The following ZNF618 variants were observed in gnomAD, a reference collection of about 807,000 sequenced individuals.
The protein encoded by ZNF618 is neural precursor cell expressed, developmentally down-regulated 10.
Under a neutral mutation model 103.0 loss-of-function variants are expected in ZNF618, and 34 were observed. That is an observed-to-expected ratio of 0.33 (90% confidence interval 0.25 to 0.44). The LOEUF (loss-of-function observed/expected upper bound fraction) is 0.44, where lower values mean the gene tolerates loss of function less well. Ranked by LOEUF, ZNF618 falls within the 20% of genes least tolerant of loss-of-function variation. The pLI is 1.00. For missense variants in ZNF618, 1,059 were observed against 1,295.4 expected (o/e 0.82, Z 2.80); for synonymous variants, 551 against 542.2 (o/e 1.02, Z -0.23).
rs1222752793 is a variant in ZNF618 at position 114,051,835 on chromosome 9, TTCACAAGAGGCGGTTCTG to T, written c.*1675_*1692del. On this transcript the variant is annotated 3_prime_UTR_variant, in exon 15 of 15. Coordinates refer to ENST00000374126, the MANE Select transcript of ZNF618 (RefSeq NM_001318042.2). ...ATGCCAAGGGTGACACCCCATTCCC[TTCACAAGAGGCGGTTCTG>T]TCACAAATCAGCACTCCACCCCCAC... The T allele has an allele frequency of 1.3e-5, 2 of 152,226 alleles. No individual in the cohort carries two copies. Among genetic ancestry groups the T allele is most frequent in the Non-Finnish European group, 2.9e-5 (2 of 68,094 alleles). The allele number at this position is 152,226 out of a possible 1,614,324, so 9.4% of individuals were successfully genotyped here.
At chr9:113,949,698 C>T (rs1450392521) in intron 1 of ZNF618, among the ~76,000 whole-genome samples, 1 of 152,260 alleles carries the variant, frequency 6.6e-6, no homozygotes, top group Non-Finnish European at 1.5e-5. Flanking sequence ...CTGTCAGCCG[C>T]CACCACACTG....
chr9:113,951,423 G>A (rs1379796820), intron 1 of ZNF618, among the ~76,000 whole-genome samples: 11 of 4,472 alleles, frequency 2.5e-3, no homozygotes, highest in Middle Eastern at 0.12. Flanking sequence ...ACACATATAT[G>A]TGTGTGTGTA....
At chr9:113,939,031 A>G (rs1286280830) in intron 1 of ZNF618, among the ~76,000 whole-genome samples, 1 of 151,680 alleles carries the variant, frequency 6.6e-6, no homozygotes, top group African/African-American at 2.4e-5. Context: ...TGTATCTGCC[A>G]TTAATGGCAT....
rs1846400633 is a variant in ZNF618, at chr9:114,055,258, A to G, written c.*5091A>G. On this transcript the variant is annotated 3_prime_UTR_variant, in exon 15 of 15. Transcript: ENST00000374126. ...AGGTGCCAGCCGGTCTCCGCCTAGG[A>G]CCTTCCCTCCCGCCCAGCCAGGGTG... is the stretch of plus-strand genomic sequence containing the variant. 6.6e-6 allele frequency: 1 copy of G among 151,820 alleles called. No individual in the cohort carries two copies. Among genetic ancestry groups the G allele is most frequent in the Non-Finnish European group, 1.5e-5 (1 of 67,926 alleles). 9.4% of individuals were successfully genotyped at this position (151,820 alleles called of 1,614,324 possible). A position where few individuals can be genotyped will look rare whatever the true frequency, so the allele number is the denominator to read the frequency against.
chr9:113,939,401 C>T (rs1834346199), intron 1 of ZNF618, among the ~76,000 whole-genome samples: 1 of 151,988 alleles, frequency 6.6e-6, no homozygotes, highest in Non-Finnish European at 1.5e-5. Flanking sequence ...TATTTGCTAA[C>T]ATTTATATAG....
intron 1 of ZNF618, among the ~76,000 whole-genome samples, chr9:113,939,985 C>T (rs1834404666): frequency 1.3e-5 from 2 of 151,542 alleles, no homozygotes; most frequent in Non-Finnish European, 2.9e-5. Context: ...TCATTTTCTG[C>T]TTTCTTTTGG....
chr9:113,900,003 G>A (rs945555201), intron 1 of ZNF618, among the ~76,000 whole-genome samples: 15 of 152,082 alleles, frequency 9.9e-5, no homozygotes, highest in African/African-American at 3.4e-4. Flanking sequence ...AAATGGAATT[G>A]CTGGATCATA....
intron 1 of ZNF618, among the ~76,000 whole-genome samples, chr9:113,955,212 T>C (rs1376078511): frequency 6.6e-6 from 1 of 151,230 alleles, no homozygotes; most frequent in Non-Finnish European, 1.5e-5. Flanking sequence ...CCTTAGAGAG[T>C]TTGACTGGCT....
Position 114,028,969 on chromosome 9 carries a change from G to A in ZNF618, c.1081G>A (p.Ala361Thr), listed in dbSNP as rs1044441455. ...GGGATCTCCGGCGAGCAAGGCAACC[G>A]CAGGTACCAATGGCCTATGTGACCC... is the stretch of plus-strand genomic sequence containing the variant. ...NSGSPASKATAAESAFSRRVE... is the reference protein window; with the variant it reads ...NSGSPASKATTAESAFSRRVE... The change falls in exon 11 of 15, where the codon GCA becomes ACA. Residue 361 changes from alanine to threonine, a missense_variant. By Grantham distance (58) the Ala-to-Thr change is moderately conservative (BLOSUM62 0). Around this residue, in one of 6 missense-constraint regions of ZNF618, gnomAD observed 434 missense variants for 476.0 expected, o/e 0.91. Coordinates refer to ENST00000374126, the MANE Select transcript of ZNF618 (RefSeq NM_001318042.2). 1.1e-5 allele frequency: 17 copies of A among 1,549,914 alleles called. No individual in the cohort carries two copies. The highest frequency in any genetic ancestry group is 9.8e-5 in the Admixed American group (5 of 50,964).
At chr9:114,045,967 GTAAT>G (rs1227616951) in intron 13 of ZNF618, among the ~76,000 whole-genome samples, 2 of 152,002 alleles carry the variant, frequency 1.3e-5, no homozygotes, top group Admixed American at 6.6e-5. Context: ...TTAATGGTAA[GTAAT>G]TATTTTCAAA....
At chr9:113,967,840 T>G (rs972125361) in intron 1 of ZNF618, among the ~76,000 whole-genome samples, 1 of 152,202 alleles carries the variant, frequency 6.6e-6, no homozygotes, top group African/African-American at 2.4e-5. Flanking sequence ...GAGAGCCAAG[T>G]ATGTCAGCTC....
chr9:113,977,492 A>G (rs902622457), intron 2 of ZNF618, among the ~76,000 whole-genome samples: 4 of 151,810 alleles, frequency 2.6e-5, no homozygotes, highest in African/African-American at 9.7e-5. Context: ...TCTGCATAGG[A>G]CCTCATGTGT....
chr9:113,966,802 A>G (rs991583422), intron 1 of ZNF618, among the ~76,000 whole-genome samples: 1 of 152,188 alleles, frequency 6.6e-6, no homozygotes, highest in East Asian at 1.9e-4. Flanking sequence ...ACTCTCCTCT[A>G]GTTGCCCCAG....
At chr9:113,938,030 C>T (rs1465762690) in intron 1 of ZNF618, among the ~76,000 whole-genome samples, 4 of 152,082 alleles carry the variant, frequency 2.6e-5, no homozygotes, top group East Asian at 1.9e-4. Context: ...GAAGTCCTAT[C>T]GGGATTTTGA....
intron 12 of ZNF618, among the ~76,000 whole-genome samples, chr9:114,035,596 TCCTCTTCCTTCTGTCCTTCTC>T (rs55933333): frequency 0.26 from 39,444 of 151,390 alleles, 5,477 homozygotes; most frequent in African/African-American, 0.34. Flanking sequence ...TCTTTCTTTT[TCCTCTTCCTTCTGTCCTTCTC>T]CCTCTTCCTT....
chr9:114,035,345 C>T, intron 12 of ZNF618: 1 of 782,120 alleles, frequency 1.3e-6, no homozygotes, highest in African/African-American at 1.9e-5. Flanking sequence ...GGGCCTTGGG[C>T]TGCCCTCCCG....
At chr9:114,019,458 G>C (rs114667863) in intron 10 of ZNF618, among the ~76,000 whole-genome samples, 3,375 of 152,246 alleles carry the variant, frequency 0.022, 133 homozygotes, top group African/African-American at 0.077. Flanking sequence ...ACTCCTGCCA[G>C]CTGTGCCTGT....
At chr9:113,975,882 T>C (rs1033207806) in intron 2 of ZNF618, among the ~76,000 whole-genome samples, 3 of 152,120 alleles carry the variant, frequency 2.0e-5, no homozygotes, top group African/African-American at 7.2e-5. Context: ...ATTTCATTTC[T>C]AGAAATGTAT....
intron 4 of ZNF618, among the ~76,000 whole-genome samples, chr9:114,001,618 G>A (rs1841214913): frequency 6.6e-6 from 1 of 152,214 alleles, no homozygotes; most frequent in Admixed American, 6.5e-5. Flanking sequence ...AGAAATTATT[G>A]TAATGCGTTG....
Sources: gnomAD v4.1 joint callset for allele counts (sites outside exome capture counted in the v4.1 genomes callset) on GRCh38, gnomAD v4.1.1 for gene constraint, gnomAD v4.1.1 regional missense constraint, MANE v1.5 for transcripts, NCBI Gene and HGNC (gene_info 2026-07-23, HGNC 2026-07-21) for gene names.